The following TCF7L2 variants were observed in gnomAD, a reference collection of about 807,000 sequenced individuals.
TCF7L2 encodes transcription factor 7 like 2.
TCF7L2 carries 23 observed loss-of-function variants against 77.9 expected under a neutral mutation model. That is an observed-to-expected ratio of 0.30 (90% CI 0.21 to 0.42). TCF7L2 has a LOEUF of 0.42. Ranked by LOEUF, TCF7L2 falls within the 10% of genes least tolerant of loss-of-function variation. The pLI, the probability that TCF7L2 is intolerant of heterozygous loss-of-function variation, is 1.00. For synonymous variants in TCF7L2, 413 were observed against 340.2 expected (o/e 1.21, Z -2.36); for missense variants, 654 against 793.1 (o/e 0.82, Z 2.11).
chr10:113,056,102 C>T (rs942177320), intron 5 of TCF7L2, among the ~76,000 whole-genome samples: 34 of 152,194 alleles, frequency 2.2e-4, no homozygotes, highest in African/African-American at 7.7e-4. Context: ...ATCCTGGGCT[C>T]CTGACTCTGG....
At chr10:113,032,687 A>T (rs2050454586) in intron 4 of TCF7L2, among the ~76,000 whole-genome samples, 1 of 152,168 alleles carries the variant, frequency 6.6e-6, no homozygotes. Flanking sequence ...TATGCTGGAG[A>T]CCTAGATGCT....
At chr10:113,146,531 C>G (rs553455956) in intron 8 of TCF7L2, among the ~76,000 whole-genome samples, 21 of 152,144 alleles carry the variant, frequency 1.4e-4, no homozygotes, top group African/African-American at 5.1e-4. Context: ...GCCTCCTCCC[C>G]TCGAAGGTAG....
intron 4 of TCF7L2, among the ~76,000 whole-genome samples, chr10:113,019,630 G>A (rs1010663642): frequency 2.6e-5 from 4 of 151,714 alleles, no homozygotes; most frequent in African/African-American, 9.7e-5. Flanking sequence ...TTGTACTTTC[G>A]ATTTAAAATA....
chr10:113,118,418 G>C (rs2064174401), intron 5 of TCF7L2, among the ~76,000 whole-genome samples: 1 of 152,162 alleles, frequency 6.6e-6, no homozygotes, highest in Non-Finnish European at 1.5e-5. Context: ...GAGGGACAGA[G>C]TGTTGGTTTT....
At chr10:113,060,576 G>A (rs995076973) in intron 5 of TCF7L2, among the ~76,000 whole-genome samples, 4 of 152,006 alleles carry the variant, frequency 2.6e-5, no homozygotes, top group African/African-American at 9.7e-5. Context: ...GGGTTTGCAG[G>A]CAGCTAAAGT....
At chr10:113,046,086 T>C (rs2053398491) in intron 5 of TCF7L2, among the ~76,000 whole-genome samples, 1 of 152,044 alleles carries the variant, frequency 6.6e-6, no homozygotes, top group African/African-American at 2.4e-5. Flanking sequence ...CATGGGGCCA[T>C]GATAGAGTCT....
chr10:112,953,339 G>C (rs1011613431), intron 3 of TCF7L2, among the ~76,000 whole-genome samples: 1 of 152,184 alleles, frequency 6.6e-6, no homozygotes. Context: ...CCACCAGGCT[G>C]CAGGGGCCGC....
At chr10:112,993,026 G>T (rs951645909) in intron 4 of TCF7L2, among the ~76,000 whole-genome samples, 1 of 151,962 alleles carries the variant, frequency 6.6e-6, no homozygotes, top group Non-Finnish European at 1.5e-5. Context: ...GCCTCCGAAA[G>T]TGCTGGGATC....
intron 4 of TCF7L2, 113 bp from the exon 5 acceptor site, chr10:113,039,912 C>A (rs2052132433): frequency 1.2e-6 from 1 of 846,578 alleles, no homozygotes; most frequent in African/African-American, 1.7e-5. Context: ...TATTTGCATG[C>A]TTGTATGTTT....
At chr10:113,028,257 C>T (rs1468563597) in intron 4 of TCF7L2, among the ~76,000 whole-genome samples, 1 of 152,170 alleles carries the variant, frequency 6.6e-6, no homozygotes, top group African/African-American at 2.4e-5. Context: ...TAATTTGTTA[C>T]AGCAAGATGA....
intron 5 of TCF7L2, among the ~76,000 whole-genome samples, chr10:113,065,033 A>G (rs2057058119): frequency 6.6e-6 from 1 of 151,318 alleles, no homozygotes; most frequent in African/African-American, 2.4e-5. Context: ...GGATGGTGGG[A>G]TCATCCCATT....
At chr10:113,070,654 A>G (rs1041633254) in intron 5 of TCF7L2, among the ~76,000 whole-genome samples, 4 of 152,214 alleles carry the variant, frequency 2.6e-5, no homozygotes, top group African/African-American at 7.2e-5. Flanking sequence ...GCACATTAAT[A>G]GCTTACCTAA....
At chr10:113,089,462 C>T (rs754152696) in intron 5 of TCF7L2, 1 of 1,613,846 alleles carries the variant, frequency 6.2e-7, no homozygotes. Flanking sequence ...CCTCAGACTT[C>T]ACTGTCAGCA....
chr10:112,977,559 C>T (rs985276436), intron 4 of TCF7L2, among the ~76,000 whole-genome samples: 7 of 152,208 alleles, frequency 4.6e-5, no homozygotes, highest in African/African-American at 1.7e-4. Flanking sequence ...GAAAATGTAG[C>T]TTGAACTGGC....
At chr10:113,112,630 C>T (rs2063277696) in intron 5 of TCF7L2, among the ~76,000 whole-genome samples, 1 of 152,210 alleles carries the variant, frequency 6.6e-6, no homozygotes, top group Non-Finnish European at 1.5e-5. Flanking sequence ...GGGTGCCTTT[C>T]CTTGCCAACA....
At chr10:112,972,426 T>C (rs891819293) in intron 4 of TCF7L2, among the ~76,000 whole-genome samples, 2 of 152,200 alleles carry the variant, frequency 1.3e-5, no homozygotes, top group African/African-American at 4.8e-5. Context: ...CTGCTTATGC[T>C]TATTGAATTC....
intron 5 of TCF7L2, among the ~76,000 whole-genome samples, chr10:113,059,900 A>AT (rs1404342844): frequency 6.6e-6 from 1 of 152,112 alleles, no homozygotes; most frequent in Non-Finnish European, 1.5e-5. Context: ...TCTGCATACC[A>AT]TTTTTGGGGT....
intron 5 of TCF7L2, among the ~76,000 whole-genome samples, chr10:113,097,662 A>T (rs1351063478): frequency 2.7e-5 from 4 of 146,898 alleles, no homozygotes; most frequent in Non-Finnish European, 6.1e-5. Context: ...AAAAAAAAAA[A>T]AAAAAAAAAA....
chr10:113,096,550 G>A (rs182658740), intron 5 of TCF7L2, among the ~76,000 whole-genome samples: 3 of 152,188 alleles, frequency 2.0e-5, no homozygotes, highest in East Asian at 1.9e-4. Flanking sequence ...ATTTCAAACC[G>A]GTTTGCATTA....
Sources: gnomAD v4.1 joint callset for allele counts (sites outside exome capture counted in the v4.1 genomes callset) on GRCh38, gnomAD v4.1.1 for gene constraint, MANE v1.5 for transcripts, NCBI Gene and HGNC (gene_info 2026-07-23, HGNC 2026-07-21) for gene names.